Variants in MYZAP observed in about 807,000 individuals in gnomAD.
The protein encoded by MYZAP is myocardial zonula adherens protein.
MYZAP carries 66 observed loss-of-function variants against 69.4 expected under a neutral mutation model. The ratio of observed to expected loss-of-function variants is 0.95; its 90% CI spans 0.78 to 1.17. MYZAP has a LOEUF of 1.17. MYZAP is among the 50% of genes most tolerant of loss of function. The probability of loss-of-function intolerance (pLI) is 0.00; values close to 1 mark genes in which losing one functional copy is unlikely to be tolerated. For missense variants in MYZAP, 611 were observed against 556.2 expected (o/e 1.10, Z -0.99); for synonymous variants, 256 against 205.9 (o/e 1.24, Z -2.09).
intron 10 of MYZAP, among the ~76,000 whole-genome samples, chr15:57,651,642 T>A (rs2037732392): frequency 6.6e-6 from 1 of 152,192 alleles, no homozygotes; most frequent in Admixed American, 6.5e-5. Flanking sequence ...CCTATCAGCA[T>A]CCAGATGATT....
At position 57,661,517 on chromosome 15, in the gene MYZAP, C is replaced by A. The variant is rs769290948; in HGVS notation, c.1187C>A (p.Ser396Tyr). ...ATACTGCAGCTTTTAGAAAAGATAT[C>A]TTTCTTAGAAGGAGAGGTAAGGATC... ...LLILQLLEKISFLEGENNELQ... is the reference protein window; with the variant it reads ...LLILQLLEKIYFLEGENNELQ... The change falls in exon 11 of 13, where the codon TCT becomes TAT. Residue 396 changes from serine (S) to tyrosine (Y), a missense_variant. Transcript: ENST00000267853. 3.1e-6 allele frequency: 5 copies of A among 1,609,836 alleles called. No homozygotes were observed. In the South Asian group the frequency reaches 4.4e-5, roughly 14 times the overall value.
chr15:57,632,679 A>T, intron 7 of MYZAP, 120 bp downstream of exon 7: 1 of 1,480,580 alleles, frequency 6.8e-7, no homozygotes, highest in Admixed American at 2.1e-5. Context: ...GCCATGGGTA[A>T]GGGATCAAGG....
intron 10 of MYZAP, among the ~76,000 whole-genome samples, chr15:57,651,248 A>G (rs1212927159): frequency 2.6e-5 from 4 of 152,210 alleles, no homozygotes; most frequent in African/African-American, 7.2e-5. Context: ...TTCCATATAT[A>G]TGTATTACAT....
chr15:57,618,434 A>G (rs568760834), intron 3 of MYZAP, among the ~76,000 whole-genome samples: 1 of 152,362 alleles, frequency 6.6e-6, no homozygotes, highest in Admixed American at 6.5e-5. Flanking sequence ...TCAGGAGAGC[A>G]GATGGCTTCC....
At position 57,684,684 on chromosome 15, in the gene MYZAP, G is replaced by T; in HGVS notation, c.*186G>T. On this transcript the variant is annotated 3_prime_UTR_variant, in exon 13 of 13. Transcript: ENST00000267853. ...AAGGCAGAGTGAGCAGGTAAGAGAG[G>T]GATATACAAGGTCACATTTCAGACA... 3.9e-6 allele frequency: 2 copies of T among 510,590 alleles called. No homozygotes were observed. 31.6% of individuals were successfully genotyped at this position (510,590 alleles called of 1,614,324 possible).
At chr15:57,677,838 TA>T (rs1377202362) in intron 12 of MYZAP, among the ~76,000 whole-genome samples, 2 of 152,070 alleles carry the variant, frequency 1.3e-5, no homozygotes, top group African/African-American at 4.8e-5. Flanking sequence ...CTTTCATCTT[TA>T]AACTAAGAAT....
At chr15:57,633,578 A>G in intron 7 of MYZAP, 35 bp from the exon 8 acceptor site, 13 of 1,595,930 alleles carry the variant, frequency 8.1e-6, no homozygotes, top group Non-Finnish European at 1.0e-5. Flanking sequence ...TCGGTACTCC[A>G]TGCCTGTACT....
At chr15:57,593,185 G>GGGGCAT (rs1595839808) in intron 1 of MYZAP, among the ~76,000 whole-genome samples, 1 of 31,676 alleles carries the variant, frequency 3.2e-5, no homozygotes, top group African/African-American at 2.1e-4. Context: ...TGTGTACACA[G>GGGGCAT]GCGCACACAC....
At chr15:57,672,560 G>A (rs1031914586) in intron 11 of MYZAP, among the ~76,000 whole-genome samples, 1 of 152,166 alleles carries the variant, frequency 6.6e-6, no homozygotes, top group Admixed American at 6.5e-5. Flanking sequence ...CTGAATAATT[G>A]CAGTGGTCTT....
rs370282624 is a variant in MYZAP, at chr15:57,621,277, C to G, written c.319-331C>G. On this transcript the variant is annotated intron_variant, in intron 3 of 12. Transcript: ENST00000267853. The stretch of plus-strand genomic sequence containing the variant: ...CCAGGCTGGAGTGCAGTGGCATGAT[C>G]TCGGCTCACTGCAAGCTCCGCCTGC... 5.9e-3 allele frequency among the ~76,000 whole-genome samples: 833 copies of G among 140,512 alleles called. 11 individuals are homozygous for G. The highest frequency in any genetic ancestry group is 0.021 in the African/African-American group (786 of 37,496). 92.2% of individuals were successfully genotyped at this position (140,512 alleles called of 152,430 possible).
chr15:57,646,240 A>G (rs2037440540), intron 10 of MYZAP: 1 of 1,289,114 alleles, frequency 7.8e-7, no homozygotes, highest in African/African-American at 1.5e-5. Flanking sequence ...ATTGTTCGTG[A>G]TTAGAAGAAC....
intron 10 of MYZAP, chr15:57,647,006 A>G (rs767452513): frequency 2.0e-5 from 20 of 985,384 alleles, no homozygotes; most frequent in Non-Finnish European, 2.3e-5. Flanking sequence ...AGTCATAGCA[A>G]TGGGTGGCAT....
At chr15:57,645,190 G>T (rs2037379524) in intron 10 of MYZAP, among the ~76,000 whole-genome samples, 1 of 152,208 alleles carries the variant, frequency 6.6e-6, no homozygotes, top group Admixed American at 6.5e-5. Context: ...CCTAAGGAAT[G>T]ATTTTGAAAG....
At position 57,633,661 on chromosome 15, in the gene MYZAP, A is replaced by T; in HGVS notation, c.853A>T (p.Met285Leu). 1 of 1,613,682 alleles carries T rather than the reference A, an allele frequency of 6.2e-7. No homozygotes were observed. The highest frequency in any genetic ancestry group is 8.5e-7 in the Non-Finnish European group (1 of 1,179,812). Residue 285 changes from methionine (M) to leucine (L), a missense_variant, in exon 8 of 13, where the codon ATG becomes TTG. Met to Leu is a conservative substitution (Grantham distance 15). Transcript: ENST00000267853. ...AGCGATTGAAGAAGCCAATAAAAAG[A>T]TGCAAGCAGCAGAGATCAGCCTAGA... is the stretch of plus-strand genomic sequence containing the variant. ...LKAIEEANKKMQAAEISLEEK... is the reference protein window; with the variant it reads ...LKAIEEANKKLQAAEISLEEK...
chr15:57,671,231 C>T (rs780227791), intron 11 of MYZAP, among the ~76,000 whole-genome samples: 1 of 152,040 alleles, frequency 6.6e-6, no homozygotes, highest in Non-Finnish European at 1.5e-5. Flanking sequence ...TCTCTTGGTA[C>T]TCATTGTTTC....
intron 2 of MYZAP, among the ~76,000 whole-genome samples, chr15:57,615,796 G>C (rs2035400600): frequency 6.6e-6 from 1 of 152,150 alleles, no homozygotes; most frequent in Non-Finnish European, 1.5e-5. Context: ...CAGTGCCTTT[G>C]GGGCCCAGCT....
intron 11 of MYZAP, among the ~76,000 whole-genome samples, chr15:57,664,993 T>C (rs2038495589): frequency 6.6e-6 from 1 of 152,382 alleles, no homozygotes; most frequent in East Asian, 1.9e-4. Flanking sequence ...TATGTGTTAC[T>C]GTTTCTTTAA....
At chr15:57,648,784 G>GTT (rs34784139) in intron 10 of MYZAP, among the ~76,000 whole-genome samples, 7 of 136,296 alleles carry the variant, frequency 5.1e-5, no homozygotes, top group Non-Finnish European at 4.8e-5. Flanking sequence ...ACTTGTTTCT[G>GTT]TTTTTTTTTT....
At chr15:57,658,535 C>T (rs1009989868) in intron 10 of MYZAP, among the ~76,000 whole-genome samples, 4 of 152,188 alleles carry the variant, frequency 2.6e-5, no homozygotes, top group East Asian at 1.9e-4. Context: ...TACTTTTATT[C>T]GTACCTAAGA....
Sources: gnomAD v4.1 joint callset for allele counts (sites outside exome capture counted in the v4.1 genomes callset) on GRCh38, gnomAD v4.1.1 for gene constraint, MANE v1.5 for transcripts, NCBI Gene and HGNC (gene_info 2026-07-23, HGNC 2026-07-21) for gene names.